Variants in MUSK observed in about 807,000 individuals in gnomAD.
MUSK encodes the protein muscle, skeletal receptor tyrosine-protein kinase.
Under a neutral mutation model 88.7 loss-of-function variants are expected in MUSK, and 55 were observed. The observed-to-expected ratio is 0.62, with a 90% CI of 0.50 to 0.78. The LOEUF (loss-of-function observed/expected upper bound fraction) is 0.78, where lower values mean the gene tolerates loss of function less well. Ranked by LOEUF, MUSK falls within the 30% of genes least tolerant of loss-of-function variation. MUSK has a pLI of 0.00. For synonymous variants in MUSK, 387 were observed against 391.9 expected (o/e 0.99, Z 0.15); for missense variants, 1,015 against 1,074.3 (o/e 0.94, Z 0.77).
At chr9:110,769,967 T>G (rs1404385766) in intron 9 of MUSK, among the ~76,000 whole-genome samples, 1 of 152,058 alleles carries the variant, frequency 6.6e-6, no homozygotes, top group Non-Finnish European at 1.5e-5. Context: ...AAGACTCCAT[T>G]GTATAAAAAA....
At chr9:110,779,451 CTG>C (rs1374756852) in intron 11 of MUSK, among the ~76,000 whole-genome samples, 1 of 152,140 alleles carries the variant, frequency 6.6e-6, no homozygotes, top group African/African-American at 2.4e-5. Flanking sequence ...CTCAATCTCT[CTG>C]TAGTCTTCTC....
chr9:110,747,966 G>T, intron 7 of MUSK, 166 bp downstream of exon 7: 1 of 979,606 alleles, frequency 1.0e-6, no homozygotes. Context: ...ACCTAGATAT[G>T]GATTTTGGCA....
chr9:110,688,418 G>T (rs2076225859), intron 3 of MUSK, among the ~76,000 whole-genome samples: 1 of 151,752 alleles, frequency 6.6e-6, no homozygotes, highest in South Asian at 2.1e-4. Flanking sequence ...TAGTCGTTAA[G>T]GTAAGTCTGC....
chr9:110,784,550 A>G (rs1162324778), intron 11 of MUSK, among the ~76,000 whole-genome samples: 1 of 151,826 alleles, frequency 6.6e-6, no homozygotes, highest in Non-Finnish European at 1.5e-5. Context: ...GATTCAGTAT[A>G]AATGGCACCA....
intron 7 of MUSK, among the ~76,000 whole-genome samples, chr9:110,761,504 CCTT>C (rs904763592): frequency 3.5e-4 from 53 of 151,396 alleles, no homozygotes; most frequent in African/African-American, 1.2e-3. Context: ...TTCTCCTTCT[CCTT>C]CTTTTTTCTT....
intron 9 of MUSK, among the ~76,000 whole-genome samples, chr9:110,773,233 A>T (rs1326314587): frequency 1.3e-5 from 2 of 152,100 alleles, no homozygotes; most frequent in Non-Finnish European, 2.9e-5. Flanking sequence ...AGAAAAAAGG[A>T]ATGCTTTAAG....
In MUSK at chr9:110,697,397, C is replaced by G. The variant is rs2076445471; in HGVS notation, c.559C>G (p.Gln187Glu). 3 of 1,612,814 alleles carry G rather than the reference C, an allele frequency of 1.9e-6. No homozygotes were observed. The highest frequency in any genetic ancestry group is 2.7e-5 in the African/African-American group (2 of 74,858). ...TAACGTACAAAAGGAAGATGCAGGA[C>G]AGTATCGATGTGTGGCAAAAAACAG... ...IHNVQKEDAG[Q>E]YRCVAKNSLG... Residue 187 changes from glutamine (Q) to glutamate (E), a missense_variant, in exon 5 of 15, where the codon CAG becomes GAG. By Grantham distance (29) the Gln-to-Glu change is conservative. Coordinates refer to ENST00000374448, the MANE Select transcript of MUSK (RefSeq NM_005592.4).
rs2078147252 is a variant in MUSK, at chr9:110,805,219, T to C, written c.*4231T>C. On this transcript the variant is annotated 3_prime_UTR_variant, in exon 15 of 15. Transcript: ENST00000374448. ...AACTCCTAGAAGTGAAATTTCTAGA[T>C]TAAAGGATAAATGCACTTTTAATAC... is the stretch of plus-strand genomic sequence containing the variant. Among the ~76,000 whole-genome samples, 1 of 151,958 alleles carries C rather than the reference T, an allele frequency of 6.6e-6. No homozygotes were observed. Among genetic ancestry groups the C allele is most frequent in the Non-Finnish European group, 1.5e-5 (1 of 67,834 alleles).
At chr9:110,720,411 T>C (rs2076796091) in intron 5 of MUSK, among the ~76,000 whole-genome samples, 1 of 151,976 alleles carries the variant, frequency 6.6e-6, no homozygotes, top group African/African-American at 2.4e-5. Context: ...ATGGAAGGTA[T>C]TACAACTGAT....
At position 110,775,822 on chromosome 9, in the gene MUSK, G is replaced by A. The variant is rs867005027; in HGVS notation, c.1219G>A (p.Ala407Thr). Residue 407 changes from alanine (A) to threonine (T), a missense_variant, in exon 10 of 15, where the codon GCA (alanine) becomes ACA (threonine). Transcript: ENST00000374448. ...YCLAVKELFC[A>T]KEWLVMEEKT... ...CTTGGCAGTAAAGGAGCTCTTCTGCGCAAAAGAATGGCTGGTAATGGAAGA... is the reference window on the plus strand; with the variant it reads ...CTTGGCAGTAAAGGAGCTCTTCTGCACAAAAGAATGGCTGGTAATGGAAGA... 2.5e-6 allele frequency: 4 copies of A among 1,613,752 alleles called. No individual in the cohort carries two copies. The highest frequency in any genetic ancestry group is 2.5e-6 in the Non-Finnish European group (3 of 1,179,796).
chr9:110,693,804 G>A (rs2076390454), intron 3 of MUSK, among the ~76,000 whole-genome samples: 1 of 152,064 alleles, frequency 6.6e-6, no homozygotes, highest in Non-Finnish European at 1.5e-5. Context: ...TCTTGTTCAG[G>A]GAACCTATGG....
chr9:110,742,151 C>T (rs918928877), intron 6 of MUSK, among the ~76,000 whole-genome samples: 1 of 152,024 alleles, frequency 6.6e-6, no homozygotes, highest in Non-Finnish European at 1.5e-5. Flanking sequence ...AGTATAAAGA[C>T]ATCCTAAGAA....
chr9:110,718,762 A>G (rs2131797065), intron 5 of MUSK, among the ~76,000 whole-genome samples: 1 of 152,220 alleles, frequency 6.6e-6, no homozygotes, highest in Middle Eastern at 3.4e-3. Flanking sequence ...CAAAAAAATC[A>G]TTGCCTAGAC....
intron 7 of MUSK, among the ~76,000 whole-genome samples, chr9:110,752,690 A>G (rs1289219120): frequency 6.6e-6 from 1 of 152,238 alleles, no homozygotes; most frequent in African/African-American, 2.4e-5. Flanking sequence ...GGAAAACTGG[A>G]AATGGAAAAA....
At chr9:110,732,566 A>T (rs1028506178) in intron 5 of MUSK, among the ~76,000 whole-genome samples, 1 of 152,026 alleles carries the variant, frequency 6.6e-6, no homozygotes, top group African/African-American at 2.4e-5. Flanking sequence ...TTTCCCTGTT[A>T]AATATCTGGG....
intron 2 of MUSK, among the ~76,000 whole-genome samples, chr9:110,685,007 TA>T (rs1415891657): frequency 5.9e-5 from 9 of 152,112 alleles, no homozygotes; most frequent in African/African-American, 2.2e-4. Context: ...TGTGTTGAAT[TA>T]ACAGTGGTGA....
chr9:110,743,226 G>A (rs2077126903), intron 6 of MUSK, among the ~76,000 whole-genome samples: 1 of 152,122 alleles, frequency 6.6e-6, no homozygotes, highest in Admixed American at 6.6e-5. Flanking sequence ...ACCCTTAACA[G>A]TTAGAGCCAA....
At chr9:110,764,429 G>T (rs1011060816) in intron 8 of MUSK, among the ~76,000 whole-genome samples, 1 of 152,180 alleles carries the variant, frequency 6.6e-6, no homozygotes, top group African/African-American at 2.4e-5. Context: ...GGGACAAAAT[G>T]TTCCAGTTGG....
chr9:110,787,892 A>G (rs3739711), intron 14 of MUSK, 54 bp downstream of exon 14: 16,984 of 1,556,240 alleles, frequency 0.011, 161 homozygotes, highest in East Asian at 0.027. Flanking sequence ...AGGCTTTCCA[A>G]GTTTTTCTCC....
Sources: allele counts gnomAD v4.1 joint callset (sites outside exome capture counted in the v4.1 genomes callset), GRCh38; gene constraint gnomAD v4.1.1; transcripts MANE v1.5; gene names NCBI Gene and HGNC (gene_info 2026-07-23, HGNC 2026-07-21).